MED12L: variants seen among roughly 807,000 people sequenced by gnomAD.
The protein encoded by MED12L is mediator complex subunit 12L.
MED12L carries 60 observed loss-of-function variants against 281.3 expected under a neutral mutation model. That is an observed-to-expected ratio of 0.21 (90% CI 0.17 to 0.26). The LOEUF is 0.26. Ranked by LOEUF, MED12L falls within the 10% of genes least tolerant of loss-of-function variation. The pLI is 1.00. For missense variants in MED12L, 2,146 were observed against 2,680.9 expected (o/e 0.80, Z 4.41); for synonymous variants, 974 against 987.2 (o/e 0.99, Z 0.25).
At chr3:151,115,512 C>A (rs1712627678) in intron 2 of MED12L, among the ~76,000 whole-genome samples, 1 of 151,402 alleles carries the variant, frequency 6.6e-6, no homozygotes, top group Non-Finnish European at 1.5e-5. Context: ...CCACGCCCAG[C>A]TAATTTTTGT....
intron 39 of MED12L, among the ~76,000 whole-genome samples, chr3:151,398,371 C>T (rs897859057): frequency 6.6e-5 from 10 of 152,204 alleles, no homozygotes; most frequent in Non-Finnish European, 1.5e-4. Context: ...ATGCAGAAAC[C>T]ATCCAGCCTT....
At chr3:151,280,343 C>G (rs1242209338) in intron 16 of MED12L, among the ~76,000 whole-genome samples, 1 of 152,128 alleles carries the variant, frequency 6.6e-6, no homozygotes, top group Non-Finnish European at 1.5e-5. Flanking sequence ...TCTAAACACT[C>G]TGTGTGTTTT....
rs188618161 is a variant in MED12L at position 151,211,501 on chromosome 3, G to A, written c.2250+17835G>A. ...ATTTTCGTTTTTTATTTTTTGAGAC[G>A]GTCTGATTGACCCAGAATTGGGAAC... On this transcript the variant is annotated intron_variant, in intron 16 of 44. Coordinates refer to ENST00000687756, the MANE Select transcript of MED12L (RefSeq NM_001393769.1). Among the ~76,000 whole-genome samples the A allele has an allele frequency of 2.1e-3, 312 of 150,818 alleles. 1 individual carries two copies. The highest frequency in any genetic ancestry group is 2.8e-3 in the Non-Finnish European group (190 of 67,792).
intron 16 of MED12L, among the ~76,000 whole-genome samples, chr3:151,332,491 A>C (rs1750458425): frequency 6.6e-6 from 1 of 152,204 alleles, no homozygotes. Context: ...TTAATGTAAC[A>C]ATCTGTTTTT....
At chr3:151,258,488 C>G (rs1233328017) in intron 16 of MED12L, among the ~76,000 whole-genome samples, 1 of 152,118 alleles carries the variant, frequency 6.6e-6, no homozygotes, top group African/African-American at 2.4e-5. Context: ...GTATCCCTTG[C>G]AACAGAACAA....
At position 151,254,072 on chromosome 3, in the gene MED12L, T is replaced by A. The variant is rs568061342; in HGVS notation, c.2250+60406T>A. ...CATTTGTGTACTTTAAGAAACAATT[T>A]AAAAAAACATATAATGAAAAAAATA... On this transcript the variant is annotated intron_variant, in intron 16 of 44. Coordinates refer to ENST00000687756, the MANE Select transcript of MED12L (RefSeq NM_001393769.1). Among the ~76,000 whole-genome samples, 3 of 151,988 alleles carry A rather than the reference T, an allele frequency of 2.0e-5. No homozygotes were observed. The South Asian group carries it at 6.2e-4, about 32-fold the overall frequency.
chr3:151,246,898 A>T (rs967929441), intron 16 of MED12L, among the ~76,000 whole-genome samples: 3 of 152,258 alleles, frequency 2.0e-5, no homozygotes, highest in Admixed American at 6.5e-5. Flanking sequence ...TCCAGAATCT[A>T]CAATGAACTG....
Position 151,110,414 on chromosome 3 carries a change from A to G in MED12L, c.100-5924A>G, listed in dbSNP as rs145307373. Among the ~76,000 whole-genome samples the G allele has an allele frequency of 2.3e-3, 345 of 152,340 alleles. 1 individual carries two copies. Among genetic ancestry groups the G allele is most frequent in the Non-Finnish European group, 4.1e-3 (276 of 68,024 alleles). ...TGTGGTTTTCCTCTAAAAGGGGTCT[A>G]TTGGTGCATTACTGGAGTTTGAGAA... On this transcript the variant is annotated intron_variant, in intron 2 of 44. Coordinates refer to ENST00000687756, the MANE Select transcript of MED12L (RefSeq NM_001393769.1).
chr3:151,415,224 T>TGGA, intron 42 of MED12L, among the ~76,000 whole-genome samples: 2 of 152,246 alleles, frequency 1.3e-5, no homozygotes, highest in African/African-American at 4.8e-5. Flanking sequence ...TCTGGTAATT[T>TGGA]TTTCATCATC....
chr3:151,168,491 A>G (rs755893207), intron 11 of MED12L, among the ~76,000 whole-genome samples: 11 of 152,146 alleles, frequency 7.2e-5, no homozygotes, highest in Non-Finnish European at 1.5e-4. Context: ...TGTGCTCAGG[A>G]CTGAGAGTCC....
intron 23 of MED12L, 43 bp from the exon 24 acceptor site, chr3:151,367,603 C>T: frequency 6.5e-7 from 1 of 1,542,980 alleles, no homozygotes; most frequent in Non-Finnish European, 8.8e-7. Context: ...ATACTGCTTA[C>T]AAGGTTGTTA....
chr3:151,321,372 A>G (rs1380470839), intron 16 of MED12L, among the ~76,000 whole-genome samples: 3 of 152,184 alleles, frequency 2.0e-5, no homozygotes, highest in Admixed American at 2.0e-4. Context: ...TGTTCAGGAT[A>G]AAGCTTCATT....
intron 39 of MED12L, among the ~76,000 whole-genome samples, chr3:151,405,707 T>A (rs1389420431): frequency 6.6e-6 from 1 of 152,098 alleles, no homozygotes; most frequent in Non-Finnish European, 1.5e-5. Flanking sequence ...CATTAAAAAA[T>A]ATGAAGTTAA....
intron 2 of MED12L, among the ~76,000 whole-genome samples, chr3:151,091,394 G>A: frequency 6.6e-6 from 1 of 152,216 alleles, no homozygotes; most frequent in Admixed American, 6.5e-5. Context: ...GATTCAGTAG[G>A]TCTGAGGTCA....
intron 2 of MED12L, among the ~76,000 whole-genome samples, chr3:151,109,459 G>GTTTCTC (rs1711535843): frequency 6.6e-6 from 1 of 152,208 alleles, no homozygotes. Context: ...CTGTGTGCCT[G>GTTTCTC]TCTCCCTCGA....
At chr3:151,282,739 A>C (rs1029147636) in intron 16 of MED12L, among the ~76,000 whole-genome samples, 4 of 152,240 alleles carry the variant, frequency 2.6e-5, no homozygotes, top group African/African-American at 7.2e-5. Context: ...AGGAGCGCGT[A>C]ATGTCGGGGA....
intron 16 of MED12L, chr3:151,214,021 A>G: frequency 6.2e-7 from 1 of 1,614,148 alleles, no homozygotes; most frequent in Non-Finnish European, 8.5e-7. Context: ...GTAGAAGAGC[A>G]CGGCAGAGAC....
At chr3:151,132,626 T>G (rs1715562903) in intron 5 of MED12L, among the ~76,000 whole-genome samples, 1 of 152,210 alleles carries the variant, frequency 6.6e-6, no homozygotes. Context: ...AAAGTTACTA[T>G]TCTACCCTTT....
intron 11 of MED12L, among the ~76,000 whole-genome samples, chr3:151,182,487 G>C (rs1329700513): frequency 6.6e-6 from 1 of 151,694 alleles, no homozygotes; most frequent in Non-Finnish European, 1.5e-5. Context: ...CGTTTGCAAG[G>C]GTGGCCAGGG....
Sources: allele counts gnomAD v4.1 joint callset (sites outside exome capture counted in the v4.1 genomes callset), GRCh38; gene constraint gnomAD v4.1.1; transcripts MANE v1.5; gene names NCBI Gene and HGNC (gene_info 2026-07-23, HGNC 2026-07-21).